The following IGSF21 variants were observed in gnomAD, a reference collection of about 807,000 sequenced individuals.
IGSF21 encodes immunoglobulin superfamily member 21.
IGSF21 carries 28 observed loss-of-function variants against 46.8 expected under a neutral mutation model. That is an observed-to-expected ratio of 0.60 (90% CI 0.44 to 0.82). The LOEUF (loss-of-function observed/expected upper bound fraction) is 0.82. IGSF21 is among the 40% of genes least tolerant of loss of function. IGSF21 has a pLI of 0.00. For synonymous variants in IGSF21, 284 were observed against 273.6 expected, an observed-to-expected ratio of 1.04 and a Z score of -0.38; for missense variants, 624 against 665.5, an observed-to-expected ratio of 0.94 and a Z score of 0.69.
chr1:18,186,777 C>T (rs1339650587), intron 1 of IGSF21, among the ~76,000 whole-genome samples: 1 of 152,136 alleles, frequency 6.6e-6, no homozygotes, highest in Non-Finnish European at 1.5e-5. Flanking sequence ...ATATGCCTTT[C>T]CTGCCCCCTG....
intron 2 of IGSF21, among the ~76,000 whole-genome samples, chr1:18,229,673 A>G (rs1480774006): frequency 1.3e-5 from 2 of 152,194 alleles, no homozygotes; most frequent in Non-Finnish European, 2.9e-5. Context: ...TCCCAGCCTT[A>G]AGGAAGGGTG....
intron 3 of IGSF21, among the ~76,000 whole-genome samples, chr1:18,301,219 G>A (rs1409995213): frequency 6.6e-6 from 1 of 152,212 alleles, no homozygotes; most frequent in Non-Finnish European, 1.5e-5. Context: ...CTGGGTTAAC[G>A]CCCAAGCTGT....
At chr1:18,220,814 C>T (rs994932234) in intron 1 of IGSF21, among the ~76,000 whole-genome samples, 9 of 152,172 alleles carry the variant, frequency 5.9e-5, no homozygotes, top group Non-Finnish European at 8.8e-5. Flanking sequence ...TGTTCAGGCC[C>T]AGAGGTTAGA....
chr1:18,203,934 T>C (rs1326847674), intron 1 of IGSF21, among the ~76,000 whole-genome samples: 1 of 152,232 alleles, frequency 6.6e-6, no homozygotes, highest in Non-Finnish European at 1.5e-5. Flanking sequence ...TGGTGGGTCC[T>C]ACAGAAACAG....
intron 1 of IGSF21, among the ~76,000 whole-genome samples, chr1:18,199,138 C>A (rs183883143): frequency 2.6e-5 from 4 of 152,002 alleles, no homozygotes; most frequent in Non-Finnish European, 4.4e-5. Context: ...TTTTGCAAGG[C>A]CCCCCGGTAC....
chr1:18,310,456 T>A (rs1377352151), intron 3 of IGSF21, among the ~76,000 whole-genome samples: 2 of 152,252 alleles, frequency 1.3e-5, no homozygotes, highest in African/African-American at 2.4e-5. Context: ...TACGTAGTAC[T>A]CCACTGCGTG....
At chr1:18,302,319 C>G (rs139251363) in intron 3 of IGSF21, among the ~76,000 whole-genome samples, 1 of 152,208 alleles carries the variant, frequency 6.6e-6, no homozygotes, top group South Asian at 2.1e-4. Flanking sequence ...CCTGTCCACT[C>G]GCATGTCTAC....
intron 2 of IGSF21, among the ~76,000 whole-genome samples, chr1:18,232,774 C>T (rs2084640568): frequency 6.6e-6 from 1 of 152,202 alleles, no homozygotes; most frequent in South Asian, 2.1e-4. Flanking sequence ...TGAACATTTG[C>T]TAAATTAACA....
intron 9 of IGSF21, 93 bp from the exon 10 acceptor site, chr1:18,378,163 A>C: frequency 9.6e-7 from 1 of 1,045,320 alleles, no homozygotes; most frequent in Non-Finnish European, 1.5e-6. Flanking sequence ...TGATGCTGAA[A>C]TCCAGCGTCT....
intron 2 of IGSF21, among the ~76,000 whole-genome samples, chr1:18,263,458 T>C (rs2084964816): frequency 6.6e-6 from 1 of 151,602 alleles, no homozygotes; most frequent in South Asian, 2.1e-4. Flanking sequence ...AATGCACATC[T>C]GAGTTTCAGG....
chr1:18,273,355 C>A lies in IGSF21; in HGVS notation c.184-18511C>A, dbSNP rs958533991. Among the ~76,000 whole-genome samples the A allele has an allele frequency of 3.2e-4, 37 of 116,482 alleles. 2 individuals are homozygous for A. The highest frequency in any genetic ancestry group is 1.5e-3 in the African/African-American group (37 of 25,320). 76.4% of individuals were successfully genotyped at this position (116,482 alleles called of 152,430 possible). A position where few individuals can be genotyped will look rare whatever the true frequency, so the allele number is the denominator to read the frequency against. On this transcript the variant is annotated intron_variant, in intron 2 of 9. Coordinates refer to ENST00000251296, the MANE Select transcript of IGSF21 (RefSeq NM_032880.5). ...CATTCCTTTCCTTTCCTTTCCTTTC[C>A]TTTCCTTTCCTTTCCTTTCCTTTCC...
At chr1:18,230,064 A>G (rs1214537539) in intron 2 of IGSF21, among the ~76,000 whole-genome samples, 1 of 152,216 alleles carries the variant, frequency 6.6e-6, no homozygotes, top group African/African-American at 2.4e-5. Context: ...CCGGTTTGAA[A>G]TCGAATGTTA....
At chr1:18,311,028 T>C (rs1267207924) in intron 3 of IGSF21, among the ~76,000 whole-genome samples, 1 of 152,218 alleles carries the variant, frequency 6.6e-6, no homozygotes, top group South Asian at 2.1e-4. Context: ...AAAGACCCTA[T>C]TTCCAAATCA....
intron 1 of IGSF21, among the ~76,000 whole-genome samples, chr1:18,157,927 G>A (rs535040764): frequency 3.3e-5 from 5 of 152,246 alleles, no homozygotes; most frequent in Admixed American, 6.5e-5. Context: ...ACTAGACTGC[G>A]AGCTTCCTGA....
intron 1 of IGSF21, among the ~76,000 whole-genome samples, chr1:18,211,831 C>T (rs1431043659): frequency 6.6e-6 from 1 of 152,232 alleles, no homozygotes; most frequent in Non-Finnish European, 1.5e-5. Flanking sequence ...CTGTTGCTCA[C>T]ACGTCTCTCC....
chr1:18,247,519 ACCATGGGCCAGGAAGCAGCCCAT>A (rs2084797159), intron 2 of IGSF21, among the ~76,000 whole-genome samples: 1 of 152,068 alleles, frequency 6.6e-6, no homozygotes, highest in Admixed American at 6.6e-5. Context: ...CCAGCCAGGA[ACCATGGGCCAGGAAGCAGCCCAT>A]CCTCGGAGGT....
intron 1 of IGSF21, among the ~76,000 whole-genome samples, chr1:18,219,830 A>G (rs181609016): frequency 1.3e-4 from 20 of 152,232 alleles, no homozygotes; most frequent in African/African-American, 4.1e-4. Context: ...TGCATTTCTA[A>G]GTGTGAAGTT....
intron 1 of IGSF21, among the ~76,000 whole-genome samples, chr1:18,160,663 C>A (rs1027706398): frequency 6.6e-6 from 1 of 152,188 alleles, no homozygotes; most frequent in Non-Finnish European, 1.5e-5. Context: ...GTGACGATGG[C>A]TGCTCCTGTC....
chr1:18,248,437 A>T (rs1486081266), intron 2 of IGSF21, among the ~76,000 whole-genome samples: 2 of 152,128 alleles, frequency 1.3e-5, no homozygotes, highest in African/African-American at 4.8e-5. Flanking sequence ...TTTGTAGAAA[A>T]GTGATGCTGG....
Sources: gnomAD v4.1 joint callset for allele counts (sites outside exome capture counted in the v4.1 genomes callset) on GRCh38, gnomAD v4.1.1 for gene constraint, MANE v1.5 for transcripts, NCBI Gene and HGNC (gene_info 2026-07-23, HGNC 2026-07-21) for gene names.